Variants in KLF8 observed in about 807,000 individuals in gnomAD.
KLF8 encodes Krueppel-like factor 8.
A neutral mutation model predicts 18.2 loss-of-function variants in KLF8; 10 were observed. The ratio of observed to expected loss-of-function variants is 0.55; its 90% CI spans 0.34 to 0.93. KLF8 has a LOEUF of 0.93. Among genes scored for constraint, KLF8 ranks in the 40% least tolerant of loss-of-function variants. The pLI, the probability that KLF8 is intolerant of heterozygous loss-of-function variation, is 0.02. For synonymous variants in KLF8, 109 were observed against 97.3 expected, an observed-to-expected ratio of 1.12 and a Z score of -0.71; for missense variants, 264 against 277.9, an observed-to-expected ratio of 0.95 and a Z score of 0.36.
chrX:55,951,490 A>G, the KLF8 span, among the ~76,000 whole-genome samples: 1 of 109,250 alleles, frequency 9.2e-6, no homozygotes, highest in South Asian at 3.9e-4. Flanking sequence ...AAAAAAAAAA[A>G]AAAGAAAGAA....
the KLF8 span, among the ~76,000 whole-genome samples, chrX:56,178,883 G>A: frequency 8.9e-6 from 1 of 112,189 alleles, no homozygotes; most frequent in Non-Finnish European, 1.9e-5. Flanking sequence ...TTCAGTTACT[G>A]TCGCCTTGTA....
chrX:56,003,617 A>G, the KLF8 span, among the ~76,000 whole-genome samples: 1 of 111,348 alleles, frequency 9.0e-6, no homozygotes, highest in Non-Finnish European at 1.9e-5. Context: ...TATATGATAA[A>G]CAATACAGTT....
the KLF8 span, among the ~76,000 whole-genome samples, chrX:55,935,925 G>T: frequency 8.9e-6 from 1 of 111,935 alleles, no homozygotes; most frequent in Non-Finnish European, 1.9e-5. Flanking sequence ...TGGGATCTTG[G>T]AGGGTTATTC....
the KLF8 span, among the ~76,000 whole-genome samples, chrX:56,023,492 G>A: frequency 1.4e-4 from 16 of 111,675 alleles, no homozygotes; most frequent in African/African-American, 5.2e-4. Context: ...GCTAACATCA[G>A]ACCAAACAGA....
the KLF8 span, among the ~76,000 whole-genome samples, chrX:56,048,131 A>C: frequency 5.4e-5 from 6 of 110,745 alleles, no homozygotes; most frequent in Non-Finnish European, 1.1e-4. Context: ...TTTTTCTTGT[A>C]AATTTGTTTG....
chrX:56,111,411 A>T, the KLF8 span, among the ~76,000 whole-genome samples: 1 of 111,953 alleles, frequency 8.9e-6, no homozygotes, highest in South Asian at 3.7e-4. Flanking sequence ...TTCAGAACAT[A>T]CACATGGGCA....
At chrX:56,203,639 C>T in the KLF8 span, among the ~76,000 whole-genome samples, 1 of 112,202 alleles carries the variant, frequency 8.9e-6, no homozygotes, top group Non-Finnish European at 1.9e-5. Context: ...CATTCTTTTG[C>T]ATATGGATAT....
At chrX:56,058,418 C>T in the KLF8 span, among the ~76,000 whole-genome samples, 1 of 98,022 alleles carries the variant, frequency 1.0e-5, no homozygotes, top group African/African-American at 3.7e-5. Context: ...TATACACATG[C>T]CATGGTGGTT....
At chrX:56,071,658 C>G in the KLF8 span, among the ~76,000 whole-genome samples, 2 of 111,424 alleles carry the variant, frequency 1.8e-5, no homozygotes, top group African/African-American at 6.5e-5. Context: ...ACATGAATCC[C>G]AGGATCAACA....
chrX:56,203,418 T>C, the KLF8 span, among the ~76,000 whole-genome samples: 1 of 112,091 alleles, frequency 8.9e-6, no homozygotes, highest in East Asian at 2.8e-4. Context: ...GTGCAGAAGC[T>C]TTCTAACTTC....
At chrX:56,028,634 G>A in the KLF8 span, among the ~76,000 whole-genome samples, 1 of 111,607 alleles carries the variant, frequency 9.0e-6, no homozygotes, top group Non-Finnish European at 1.9e-5. Flanking sequence ...GGAAACTTCT[G>A]GATGTCTCGA....
At chrX:56,183,047 C>T in the KLF8 span, among the ~76,000 whole-genome samples, 1,081 of 112,440 alleles carry the variant, frequency 9.6e-3, 6 homozygotes, top group African/African-American at 0.033. Flanking sequence ...CCTTTTATTC[C>T]GCTATGCCCT....
chrX:55,990,384 G>T, the KLF8 span, among the ~76,000 whole-genome samples: 15 of 112,229 alleles, frequency 1.3e-4, no homozygotes, highest in African/African-American at 4.5e-4. Context: ...GTGTCCCTGA[G>T]ATTCTGGTAT....
chrX:56,151,778 T>C, the KLF8 span, among the ~76,000 whole-genome samples: 2 of 110,646 alleles, frequency 1.8e-5, no homozygotes, highest in Admixed American at 1.9e-4. Context: ...AATACAGTGT[T>C]CATATACATT....
At chrX:56,078,395 A>G in the KLF8 span, among the ~76,000 whole-genome samples, 2 of 112,243 alleles carry the variant, frequency 1.8e-5, no homozygotes, top group Non-Finnish European at 1.9e-5. Context: ...ATCTATTGAG[A>G]TAATCATGTG....
chrX:56,145,206 A>C, the KLF8 span, among the ~76,000 whole-genome samples: 1 of 112,255 alleles, frequency 8.9e-6, no homozygotes, highest in Non-Finnish European at 1.9e-5. Flanking sequence ...ATGGCCAACA[A>C]GCACATGAAA....
In KLF8 at chrX:56,265,312, G is replaced by A. The variant is rs2066954940; in HGVS notation, c.214G>A (p.Glu72Lys). 8.8e-5 allele frequency: 106 copies of A among 1,208,037 alleles called. No individual in the cohort carries two copies. The highest frequency in any genetic ancestry group is 1.2e-4 in the Non-Finnish European group (105 of 893,534). ...TAATGACATCAAGATTGAGCCCCCAGAAGAACTTTTGGCTAGTGATTTCAG... is the reference window on the plus strand; with the variant it reads ...TAATGACATCAAGATTGAGCCCCCAAAAGAACTTTTGGCTAGTGATTTCAG... ...LFNDIKIEPP[E>K]ELLASDFSLP... Residue 72 changes from glutamate (E) to lysine (K), a missense_variant, in exon 3 of 6, where the codon GAA becomes AAA. Transcript: ENST00000468660.
the KLF8 span, among the ~76,000 whole-genome samples, chrX:56,160,103 G>C: frequency 1.8e-5 from 2 of 111,589 alleles, no homozygotes; most frequent in Admixed American, 1.9e-4. Flanking sequence ...TGTTCTCATT[G>C]GTTTCAAAGA....
At chrX:55,961,683 G>A in the KLF8 span, 1 of 407,374 alleles carries the variant, frequency 2.5e-6, no homozygotes, top group Non-Finnish European at 4.6e-6. Context: ...CCATCCTGGG[G>A]AAATCACACA....
Sources: allele counts gnomAD v4.1 joint callset (sites outside exome capture counted in the v4.1 genomes callset), GRCh38; gene constraint gnomAD v4.1.1; transcripts MANE v1.5; gene names NCBI Gene and HGNC (gene_info 2026-07-23, HGNC 2026-07-21).